ZCWPW2: variants seen among roughly 807,000 people sequenced by gnomAD.
ZCWPW2 encodes zinc finger CW-type PWWP domain protein 2.
Under a neutral mutation model 46.6 loss-of-function variants are expected in ZCWPW2, and 45 were observed. That is an observed-to-expected ratio of 0.96 (90% CI 0.76 to 1.24). ZCWPW2 has a LOEUF of 1.24. Among genes scored for constraint, ZCWPW2 ranks in the 50% most tolerant of loss-of-function variants. The pLI, the probability that ZCWPW2 is intolerant of heterozygous loss-of-function variation, is 0.00. For synonymous variants in ZCWPW2, 152 were observed against 137.1 expected (o/e 1.11, Z -0.76); for missense variants, 429 against 403.9 (o/e 1.06, Z -0.53).
rs1386552714 is a variant in ZCWPW2, at chr3:28,492,222, T to A, written c.657+49T>A. On this transcript the variant is annotated intron_variant, in intron 6 of 9. Coordinates refer to ENST00000383768, the MANE Select transcript of ZCWPW2 (RefSeq NM_001040432.4). ...AAATATACAAACTTCAAATTTCATTTAACACTATTCTTTAAAGAAAATTAT... is the reference window on the plus strand; with the variant it reads ...AAATATACAAACTTCAAATTTCATTAAACACTATTCTTTAAAGAAAATTAT... The A allele has an allele frequency of 2.0e-6, 3 of 1,472,094 alleles. No homozygotes were observed. The Admixed American group carries it at 6.1e-5, about 30-fold the overall frequency. 91.2% of individuals were successfully genotyped at this position (1,472,094 alleles called of 1,614,324 possible). A position where few individuals can be genotyped will look rare whatever the true frequency, so the allele number is the denominator to read the frequency against.
intron 6 of ZCWPW2, among the ~76,000 whole-genome samples, chr3:28,500,279 C>A (rs540614434): frequency 6.6e-6 from 1 of 152,152 alleles, no homozygotes; most frequent in South Asian, 2.1e-4. Context: ...AATCTATATA[C>A]TAATTTAGGG....
At chr3:28,378,367 G>A (rs1426084121) in intron 1 of ZCWPW2, among the ~76,000 whole-genome samples, 2 of 151,506 alleles carry the variant, frequency 1.3e-5, no homozygotes. Context: ...TTTGGTTTTT[G>A]CACATTTTAA....
chr3:28,492,432 A>G (rs1186991795), intron 6 of ZCWPW2, among the ~76,000 whole-genome samples: 3 of 152,070 alleles, frequency 2.0e-5, no homozygotes, highest in Non-Finnish European at 2.9e-5. Context: ...GAGTGTTTTT[A>G]CTTAAATTAT....
intron 2 of ZCWPW2, among the ~76,000 whole-genome samples, chr3:28,395,431 C>T (rs1184395139): frequency 2.0e-5 from 3 of 152,128 alleles, no homozygotes. Context: ...GAACTGAAAA[C>T]AGGACCTGGA....
At chr3:28,464,892 C>T (rs1698764194) in intron 4 of ZCWPW2, among the ~76,000 whole-genome samples, 1 of 152,146 alleles carries the variant, frequency 6.6e-6, no homozygotes, top group Admixed American at 6.5e-5. Context: ...TTAGCCATGG[C>T]TTAAGAAACA....
intron 5 of ZCWPW2, among the ~76,000 whole-genome samples, chr3:28,487,847 C>T (rs1699657812): frequency 6.6e-6 from 1 of 151,830 alleles, no homozygotes; most frequent in Non-Finnish European, 1.5e-5. Context: ...TTTTTCTTCA[C>T]CTACATAGAT....
intron 5 of ZCWPW2, among the ~76,000 whole-genome samples, chr3:28,485,667 G>T (rs930781322): frequency 6.6e-6 from 1 of 151,986 alleles, no homozygotes; most frequent in Non-Finnish European, 1.5e-5. Flanking sequence ...AACTAAACTT[G>T]CTCTGAAGTC....
At chr3:28,376,325 C>T (rs1000960445) in intron 1 of ZCWPW2, among the ~76,000 whole-genome samples, 1 of 152,118 alleles carries the variant, frequency 6.6e-6, no homozygotes, top group Non-Finnish European at 1.5e-5. Flanking sequence ...ACAATCTCTA[C>T]ACTTTAACTC....
intron 2 of ZCWPW2, among the ~76,000 whole-genome samples, chr3:28,403,356 G>T (rs1323558012): frequency 6.6e-6 from 1 of 151,968 alleles, no homozygotes; most frequent in Non-Finnish European, 1.5e-5. Flanking sequence ...AAAGACCTCT[G>T]CAAGGAAAAC....
At chr3:28,357,819 A>ATC (rs1172351497) in intron 1 of ZCWPW2, among the ~76,000 whole-genome samples, 7 of 147,444 alleles carry the variant, frequency 4.7e-5, no homozygotes, top group Non-Finnish European at 8.9e-5. Context: ...ATATATATAT[A>ATC]TCTCCATACA....
At chr3:28,433,051 G>A (rs1697331748) in intron 3 of ZCWPW2, among the ~76,000 whole-genome samples, 1 of 151,846 alleles carries the variant, frequency 6.6e-6, no homozygotes, top group South Asian at 2.1e-4. Flanking sequence ...GAAAACCAGA[G>A]ATCATATGGT....
intron 2 of ZCWPW2, among the ~76,000 whole-genome samples, chr3:28,398,924 G>A (rs1445632859): frequency 6.6e-6 from 1 of 152,198 alleles, no homozygotes; most frequent in African/African-American, 2.4e-5. Flanking sequence ...TGAACTGATC[G>A]AGAGGCCTCC....
intron 1 of ZCWPW2, among the ~76,000 whole-genome samples, chr3:28,357,059 A>G (rs1390728001): frequency 6.7e-6 from 1 of 149,936 alleles, no homozygotes. Flanking sequence ...AATAGTTTCT[A>G]TATGTGCCTA....
rs755928461 is a variant in ZCWPW2 at position 28,413,065 on chromosome 3, C to T, written c.-4C>T. 3 of 1,602,848 alleles carry T rather than the reference C, an allele frequency of 1.9e-6. No homozygotes were observed. Among genetic ancestry groups the T allele is most frequent in the South Asian group, 2.2e-5 (2 of 89,708 alleles). ...CTTTCTTATTTTCCAGATTAAATGC[C>T]TTAATGGATAAAGAAAAATTGGATG... On this transcript the variant is annotated 5_prime_UTR_variant, in exon 3 of 10. Transcript: ENST00000383768.
chr3:28,486,139 T>C lies in ZCWPW2; in HGVS notation c.611-5988T>C, dbSNP rs143819300. Among the ~76,000 whole-genome samples, 379 of 152,296 alleles carry C rather than the reference T, an allele frequency of 2.5e-3. 1 individual carries two copies. The highest frequency in any genetic ancestry group is 8.3e-3 in the African/African-American group (346 of 41,562). On this transcript the variant is annotated intron_variant, in intron 5 of 9. Coordinates refer to ENST00000383768, the MANE Select transcript of ZCWPW2 (RefSeq NM_001040432.4). ...GTTGCCCTAGAGTTTGCAATGTACA[T>C]TTACAACTAATTCAAATCCCACTTA...
At chr3:28,355,928 C>T (rs1036217630) in intron 1 of ZCWPW2, among the ~76,000 whole-genome samples, 3 of 152,212 alleles carry the variant, frequency 2.0e-5, no homozygotes, top group Non-Finnish European at 4.4e-5. Flanking sequence ...CCATTCAGGA[C>T]ATAGGCATGG....
At chr3:28,495,008 G>C (rs1699939234) in intron 6 of ZCWPW2, among the ~76,000 whole-genome samples, 1 of 152,030 alleles carries the variant, frequency 6.6e-6, no homozygotes, top group African/African-American at 2.4e-5. Context: ...ACTGCCCAGG[G>C]TAATTTATAG....
intron 4 of ZCWPW2, among the ~76,000 whole-genome samples, chr3:28,462,266 G>T (rs955350900): frequency 6.6e-6 from 1 of 152,188 alleles, no homozygotes; most frequent in African/African-American, 2.4e-5. Context: ...CCCTGAAGAA[G>T]AATAGCACCA....
chr3:28,358,769 G>A (rs2371301), intron 1 of ZCWPW2, among the ~76,000 whole-genome samples: 3,199 of 152,120 alleles, frequency 0.021, 50 homozygotes, highest in South Asian at 0.056. Context: ...TGAAATCTTC[G>A]TAGTAGATTA....
Sources: allele counts gnomAD v4.1 joint callset (sites outside exome capture counted in the v4.1 genomes callset), GRCh38; gene constraint gnomAD v4.1.1; transcripts MANE v1.5; gene names NCBI Gene and HGNC (gene_info 2026-07-23, HGNC 2026-07-21).